PDE7B: variants seen among roughly 807,000 people sequenced by gnomAD.
PDE7B encodes the protein 3',5'-cyclic-AMP phosphodiesterase 7B.
Under a neutral mutation model 56.2 loss-of-function variants are expected in PDE7B, and 29 were observed. The ratio of observed to expected loss-of-function variants is 0.52; its 90% CI spans 0.38 to 0.70. PDE7B has a LOEUF of 0.70. Among genes scored for constraint, PDE7B ranks in the 30% least tolerant of loss-of-function variants. The pLI is 0.00. For synonymous variants in PDE7B, 197 were observed against 196.9 expected (o/e 1.00, Z 0.00); for missense variants, 490 against 565.0 (o/e 0.87, Z 1.35).
At position 135,996,364 on chromosome 6, in the gene PDE7B, A is replaced by T. The variant is rs138654571; in HGVS notation, c.82+48840A>T. Among the ~76,000 whole-genome samples the T allele has an allele frequency of 1.1e-4, 16 of 152,350 alleles. No individual in the cohort carries two copies. In the East Asian group the frequency reaches 2.5e-3, roughly 24 times the overall value. On this transcript the variant is annotated intron_variant, in intron 2 of 12. Coordinates refer to ENST00000308191, the MANE Select transcript of PDE7B (RefSeq NM_018945.4). ...TATGTTTGAGCTAAAAATTAACTTCAGTCAGAAATTCACTGATTCACCAAA... is the reference window on the plus strand; with the variant it reads ...TATGTTTGAGCTAAAAATTAACTTCTGTCAGAAATTCACTGATTCACCAAA...
rs542159209 is a variant in PDE7B, at chr6:135,968,261, A to G, written c.82+20737A>G. Among the ~76,000 whole-genome samples the G allele has an allele frequency of 3.2e-4, 49 of 152,316 alleles. 1 individual carries two copies. The South Asian group carries it at 7.0e-3, about 22-fold the overall frequency. ...CATAGGCACGGGCAAAGATTTCATG[A>G]TGAAAATGTCAAAAGCAATTGCAAC... is the stretch of plus-strand genomic sequence containing the variant. On this transcript the variant is annotated intron_variant, in intron 2 of 12. Coordinates refer to ENST00000308191, the MANE Select transcript of PDE7B (RefSeq NM_018945.4).
At chr6:136,027,252 G>C (rs1042861421) in intron 2 of PDE7B, among the ~76,000 whole-genome samples, 3 of 152,216 alleles carry the variant, frequency 2.0e-5, no homozygotes, top group African/African-American at 7.2e-5. Flanking sequence ...TGATCTAATG[G>C]AAATAGTCTA....
At chr6:135,950,969 A>G (rs968069240) in intron 2 of PDE7B, among the ~76,000 whole-genome samples, 2 of 152,184 alleles carry the variant, frequency 1.3e-5, no homozygotes, top group African/African-American at 4.8e-5. Context: ...ACTGTCATGT[A>G]TGAGTCTTGC....
Position 136,156,202 on chromosome 6 carries a change from T to TGTGTGTGTGTG in PDE7B, c.711+444_711+445insGTGTGTGTGTG, listed in dbSNP as rs1562508366. 518 of 324,552 alleles carry TGTGTGTGTGTG rather than the reference T, an allele frequency of 1.6e-3. 1 individual carries two copies. The highest frequency in any genetic ancestry group is 3.0e-3 in the South Asian group (115 of 38,168). The allele number at this position is 324,552 out of a possible 1,614,324, so 20.1% of individuals were successfully genotyped here. ...GTGTGTGTGTGTGTGTGTGTGTGTGTTTTCAGAAACAGGGTCTTGCTTTCT... is the reference window on the plus strand; with the variant it reads ...GTGTGTGTGTGTGTGTGTGTGTGTGTGTGTGTGTGTGTTTCAGAAACAGGGTCTTGCTTTCT... On this transcript the variant is annotated intron_variant, in intron 8 of 12. Transcript: ENST00000308191.
chr6:136,139,814 G>T (rs1015376344), intron 3 of PDE7B, among the ~76,000 whole-genome samples: 1 of 152,122 alleles, frequency 6.6e-6, no homozygotes, highest in Non-Finnish European at 1.5e-5. Flanking sequence ...TGTTGATGGG[G>T]TTGTTTGTTT....
At chr6:136,035,925 T>G (rs1241693221) in intron 2 of PDE7B, among the ~76,000 whole-genome samples, 1 of 152,228 alleles carries the variant, frequency 6.6e-6, no homozygotes, top group Non-Finnish European at 1.5e-5. Context: ...TCTTAACCCC[T>G]TTGTTCCAAG....
chr6:136,002,487 A>G (rs1657845085), intron 2 of PDE7B, among the ~76,000 whole-genome samples: 1 of 152,182 alleles, frequency 6.6e-6, no homozygotes, highest in African/African-American at 2.4e-5. Flanking sequence ...ATAGGATCAA[A>G]ATAAAAGGAT....
At chr6:136,034,944 A>C (rs1776301569) in intron 2 of PDE7B, 1 of 152,214 alleles carries the variant, frequency 6.6e-6, no homozygotes, top group South Asian at 2.1e-4. Flanking sequence ...AGTCTTTTTG[A>C]TACAAGTAGG....
intron 3 of PDE7B, among the ~76,000 whole-genome samples, chr6:136,140,372 A>G (rs1778299342): frequency 6.6e-6 from 1 of 152,194 alleles, no homozygotes; most frequent in African/African-American, 2.4e-5. Flanking sequence ...TGGTTACTGT[A>G]GCCTTGCAGT....
At chr6:136,104,232 T>C (rs763539599) in intron 2 of PDE7B, among the ~76,000 whole-genome samples, 3 of 152,154 alleles carry the variant, frequency 2.0e-5, no homozygotes, top group Non-Finnish European at 4.4e-5. Flanking sequence ...TTGTTTCCTT[T>C]TGGAACACAA....
intron 2 of PDE7B, among the ~76,000 whole-genome samples, chr6:135,956,698 T>G (rs1402492847): frequency 2.6e-5 from 4 of 152,034 alleles, no homozygotes; most frequent in Non-Finnish European, 5.9e-5. Flanking sequence ...GAAGATCCAT[T>G]GAGCCCAGGA....
rs558555908 is a variant in PDE7B, at chr6:136,045,154, C to A, written c.83-63577C>A. 4.6e-5 allele frequency among the ~76,000 whole-genome samples: 7 copies of A among 151,848 alleles called. No individual in the cohort carries two copies. In the South Asian group the frequency reaches 1.5e-3, roughly 32 times the overall value. On this transcript the variant is annotated intron_variant, in intron 2 of 12. Coordinates refer to ENST00000308191, the MANE Select transcript of PDE7B (RefSeq NM_018945.4). ...TTTTCAGTACTCTTGATAATACATA[C>A]TAGGTACATCTCATCATATCAGAAA...
At chr6:135,899,405 T>C (rs1775960047) in intron 1 of PDE7B, among the ~76,000 whole-genome samples, 1 of 150,780 alleles carries the variant, frequency 6.6e-6, no homozygotes, top group Non-Finnish European at 1.5e-5. Context: ...TATATGTCTA[T>C]ATATAGATTA....
intron 2 of PDE7B, among the ~76,000 whole-genome samples, chr6:136,090,931 C>T (rs1777374606): frequency 6.6e-6 from 1 of 152,162 alleles, no homozygotes; most frequent in African/African-American, 2.4e-5. Flanking sequence ...TTTCACAGAG[C>T]CTCCCCTAAC....
chr6:136,012,062 C>A (rs1775903672), intron 2 of PDE7B, among the ~76,000 whole-genome samples: 1 of 152,218 alleles, frequency 6.6e-6, no homozygotes, highest in South Asian at 2.1e-4. Flanking sequence ...CTGAACAACC[C>A]CTTTAACTTC....
At chr6:135,907,474 G>C (rs1051937954) in intron 1 of PDE7B, among the ~76,000 whole-genome samples, 1 of 151,990 alleles carries the variant, frequency 6.6e-6, no homozygotes, top group Non-Finnish European at 1.5e-5. Flanking sequence ...TCAATTATTT[G>C]TTTATATTTT....
intron 2 of PDE7B, among the ~76,000 whole-genome samples, chr6:136,006,176 A>G (rs1220274938): frequency 8.0e-6 from 1 of 124,226 alleles, no homozygotes; most frequent in Non-Finnish European, 1.6e-5. Flanking sequence ...GGACACAGGA[A>G]GGGGAACATC....
At chr6:136,148,890 G>A (rs1309959912) in intron 4 of PDE7B, among the ~76,000 whole-genome samples, 197 bp from the exon 5 acceptor site, 5 of 152,110 alleles carry the variant, frequency 3.3e-5, no homozygotes, top group Non-Finnish European at 5.9e-5. Context: ...TTTTTCTGAC[G>A]TGTTGTGACG....
At chr6:135,993,357 C>A (rs1403199801) in intron 2 of PDE7B, among the ~76,000 whole-genome samples, 1 of 152,150 alleles carries the variant, frequency 6.6e-6, no homozygotes, top group African/African-American at 2.4e-5. Context: ...CCTGGCTAAC[C>A]CTTGGAATTA....
Sources: allele counts gnomAD v4.1 joint callset (sites outside exome capture counted in the v4.1 genomes callset), GRCh38; gene constraint gnomAD v4.1.1; transcripts MANE v1.5; gene names NCBI Gene and HGNC (gene_info 2026-07-23, HGNC 2026-07-21).